ST6GALNAC3: variants seen among roughly 807,000 people sequenced by gnomAD.
The protein encoded by ST6GALNAC3 is ST6 N-acetylgalactosaminide alpha-2,6-sialyltransferase 3.
Under a neutral mutation model 32.7 loss-of-function variants are expected in ST6GALNAC3, and 25 were observed. The observed-to-expected ratio is 0.76, with a 90% confidence interval of 0.56 to 1.07. The LOEUF is 1.07. Ranked by LOEUF, ST6GALNAC3 falls within the 50% of genes least tolerant of loss-of-function variation. The pLI is 0.00. For missense variants in ST6GALNAC3, 355 were observed against 382.4 expected (o/e 0.93, Z 0.60); for synonymous variants, 129 against 133.1 (o/e 0.97, Z 0.21).
chr1:76,135,575 A>T (rs1649893021), intron 1 of ST6GALNAC3, among the ~76,000 whole-genome samples: 1 of 152,216 alleles, frequency 6.6e-6, no homozygotes, highest in Non-Finnish European at 1.5e-5. Context: ...TTCATTGGAC[A>T]TGGGGCTGAC....
intron 3 of ST6GALNAC3, among the ~76,000 whole-genome samples, chr1:76,486,231 C>G (rs1370814899): frequency 1.3e-5 from 2 of 152,146 alleles, no homozygotes; most frequent in Non-Finnish European, 2.9e-5. Flanking sequence ...CTGTAGATGT[C>G]TATTAGGTCT....
At chr1:76,439,583 C>T (rs1422209281) in intron 3 of ST6GALNAC3, among the ~76,000 whole-genome samples, 1 of 152,222 alleles carries the variant, frequency 6.6e-6, no homozygotes, top group Non-Finnish European at 1.5e-5. Flanking sequence ...TGCCACTCAA[C>T]CCATTTTGGC....
chr1:76,118,157 G>A (rs557222851), intron 1 of ST6GALNAC3, among the ~76,000 whole-genome samples: 2 of 151,876 alleles, frequency 1.3e-5, no homozygotes, highest in African/African-American at 2.4e-5. Flanking sequence ...ACTCCCTGAC[G>A]GGCCCCGGTG....
At chr1:76,408,273 T>G (rs1653975136) in intron 2 of ST6GALNAC3, among the ~76,000 whole-genome samples, 1 of 152,122 alleles carries the variant, frequency 6.6e-6, no homozygotes, top group Non-Finnish European at 1.5e-5. Flanking sequence ...GGTACCTTAT[T>G]CAGGAAGGCA....
intron 2 of ST6GALNAC3, among the ~76,000 whole-genome samples, chr1:76,400,704 T>C (rs1174786827): frequency 6.6e-6 from 1 of 151,942 alleles, no homozygotes; most frequent in Non-Finnish European, 1.5e-5. Context: ...CTGGCCAACA[T>C]GGTGAAACCT....
chr1:76,402,203 T>C (rs1027055225), intron 2 of ST6GALNAC3, among the ~76,000 whole-genome samples: 3 of 152,200 alleles, frequency 2.0e-5, no homozygotes, highest in Admixed American at 6.5e-5. Flanking sequence ...GTACTTATAG[T>C]ACAGCTTTCC....
At chr1:76,148,384 T>C (rs1432562651) in intron 1 of ST6GALNAC3, among the ~76,000 whole-genome samples, 1 of 152,308 alleles carries the variant, frequency 6.6e-6, no homozygotes, top group South Asian at 2.1e-4. Context: ...TCCGGGGCTA[T>C]ATTTTCTTTT....
chr1:76,092,213 G>A (rs1371866576), intron 1 of ST6GALNAC3, among the ~76,000 whole-genome samples: 1 of 152,020 alleles, frequency 6.6e-6, no homozygotes, highest in African/African-American at 2.4e-5. Flanking sequence ...CCATCTTTTT[G>A]GGTTTATTTC....
At chr1:76,576,270 C>G (rs1166107135) in intron 3 of ST6GALNAC3, among the ~76,000 whole-genome samples, 1 of 152,022 alleles carries the variant, frequency 6.6e-6, no homozygotes, top group Non-Finnish European at 1.5e-5. Flanking sequence ...TTGTTCTTAA[C>G]AGAGACACAG....
At chr1:76,425,588 C>T (rs1325522329) in intron 3 of ST6GALNAC3, among the ~76,000 whole-genome samples, 2 of 151,902 alleles carry the variant, frequency 1.3e-5, no homozygotes, top group African/African-American at 4.8e-5. Flanking sequence ...GGGAACTCGT[C>T]GGAACTTCTG....
chr1:76,243,183 A>T (rs1657064240), intron 1 of ST6GALNAC3, among the ~76,000 whole-genome samples: 1 of 152,004 alleles, frequency 6.6e-6, no homozygotes, highest in South Asian at 2.1e-4. Flanking sequence ...TGTGGTTTTG[A>T]TTTGCATTTC....
At chr1:76,315,979 G>A (rs535355841) in intron 2 of ST6GALNAC3, among the ~76,000 whole-genome samples, 17 of 151,896 alleles carry the variant, frequency 1.1e-4, no homozygotes, top group Non-Finnish European at 2.2e-4. Flanking sequence ...TGGACTTGGG[G>A]GAATAAACAC....
intron 1 of ST6GALNAC3, among the ~76,000 whole-genome samples, chr1:76,252,280 C>T (rs1282300756): frequency 5.3e-5 from 8 of 152,142 alleles, no homozygotes; most frequent in African/African-American, 1.9e-4. Context: ...TAATATGTCT[C>T]TTTCATGGTC....
chr1:76,283,491 C>T (rs1348548236), intron 1 of ST6GALNAC3, among the ~76,000 whole-genome samples: 1 of 152,088 alleles, frequency 6.6e-6, no homozygotes, highest in African/African-American at 2.4e-5. Flanking sequence ...GTCTCATTAA[C>T]TTGGAGGAAG....
chr1:76,423,856 T>A (rs551807806), intron 3 of ST6GALNAC3, among the ~76,000 whole-genome samples: 1 of 151,950 alleles, frequency 6.6e-6, no homozygotes, highest in Non-Finnish European at 1.5e-5. Flanking sequence ...GGGGATATAG[T>A]TGGGAGCTTT....
intron 3 of ST6GALNAC3, among the ~76,000 whole-genome samples, chr1:76,489,562 C>T (rs967011902): frequency 1.3e-5 from 2 of 152,092 alleles, no homozygotes; most frequent in African/African-American, 4.8e-5. Flanking sequence ...CCTGAAATGC[C>T]TTGACGTCAG....
chr1:76,297,623 C>A (rs1404464108), intron 1 of ST6GALNAC3, among the ~76,000 whole-genome samples: 1 of 151,980 alleles, frequency 6.6e-6, no homozygotes, highest in Non-Finnish European at 1.5e-5. Context: ...GCAAATCATT[C>A]ATCTTTTTAA....
At chr1:76,458,691 C>G (rs1033925380) in intron 3 of ST6GALNAC3, among the ~76,000 whole-genome samples, 18 of 137,764 alleles carry the variant, frequency 1.3e-4, no homozygotes, top group African/African-American at 5.0e-4. Flanking sequence ...ACAATGAGAA[C>G]ACATGGACAC....
intron 3 of ST6GALNAC3, among the ~76,000 whole-genome samples, chr1:76,564,575 A>ATTTT (rs200008546): frequency 2.7e-4 from 34 of 126,266 alleles, no homozygotes; most frequent in Non-Finnish European, 3.0e-4. Context: ...TGAATGCAGC[A>ATTTT]TTTTTTTTTT....
Sources: allele counts gnomAD v4.1 joint callset (sites outside exome capture counted in the v4.1 genomes callset), GRCh38; gene constraint gnomAD v4.1.1; transcripts MANE v1.5; gene names NCBI Gene and HGNC (gene_info 2026-07-23, HGNC 2026-07-21).